MYO15B: variants seen among roughly 807,000 people sequenced by gnomAD.
MYO15B encodes the protein myosin XVB pseudogene.
MYO15B carries 207 observed loss-of-function variants against 119.3 expected under a neutral mutation model. That is an observed-to-expected ratio of 1.73 (90% CI 1.55 to 1.95). MYO15B has a LOEUF of 1.95. MYO15B is among the 30% of genes most tolerant of loss of function. The probability of loss-of-function intolerance (pLI) is 0.00; values close to 1 mark genes in which losing one functional copy is unlikely to be tolerated. For synonymous variants in MYO15B, 966 were observed against 498.9 expected (o/e 1.94, Z -12.48); for missense variants, 2,264 against 1,203.1 (o/e 1.88, Z -13.04).
chr17:75,626,328 G>A, intron 63 of MYO15B, 79 bp from the exon 64 acceptor site: 1 of 700,750 alleles, frequency 1.4e-6, no homozygotes, highest in South Asian at 1.5e-5. Flanking sequence ...GATGCCCACT[G>A]CTCCGGAGTG....
chr17:75,605,858 C>T lies in MYO15B; in HGVS notation c.4135-6C>T. On this transcript the variant is annotated splice_polypyrimidine_tract_variant and splice_region_variant and intron_variant, in intron 20 of 63. Coordinates refer to ENST00000645453, the Ensembl canonical transcript of MYO15B. ...TCCTGCCTACAGCCCACCCCTCTAC[C>T]CACAGGTCCTGCTGCAGGAGCAGGG... The T allele has an allele frequency of 1.5e-6, 1 of 689,432 alleles. No individual in the cohort carries two copies. The highest frequency in any genetic ancestry group is 2.7e-6 in the Non-Finnish European group (1 of 375,882). The allele number at this position is 689,432 out of a possible 1,614,324, so 42.7% of individuals were successfully genotyped here. A position where few individuals can be genotyped will look rare whatever the true frequency, so the allele number is the denominator to read the frequency against.
chr17:75,596,619 TTGG>T (rs1296025511), intron 13 of MYO15B, 64 bp downstream of exon 13: 5 of 696,068 alleles, frequency 7.2e-6, no homozygotes, highest in Non-Finnish European at 1.3e-5. Context: ...GAGGCCATCC[TTGG>T]TGAAGGAAAG....
Position 75,613,222 on chromosome 17 carries a change from G to A in MYO15B, c.4967+13G>A. Reference sequence around the variant, plus strand: ...AGCCACTGCTCAAGTAAGGGGCCTGGGAGGTGGGGACCTGGCAGGTGGGGT... The same window carrying A: ...AGCCACTGCTCAAGTAAGGGGCCTGAGAGGTGGGGACCTGGCAGGTGGGGT... On this transcript the variant is annotated intron_variant, in intron 27 of 63. Transcript: ENST00000645453. 1.5e-6 allele frequency: 1 copy of A among 684,622 alleles called. No homozygotes were observed. The highest frequency in any genetic ancestry group is 1.5e-5 in the South Asian group (1 of 66,918). The allele number at this position is 684,622 out of a possible 1,614,324, so 42.4% of individuals were successfully genotyped here. A position where few individuals can be genotyped will look rare whatever the true frequency, so the allele number is the denominator to read the frequency against.
rs1000834929 is a variant in MYO15B at position 75,589,668 on chromosome 17, G to A, written c.1611G>A (p.Glu537=). 1 of 398,938 alleles carries A rather than the reference G, an allele frequency of 2.5e-6. No individual in the cohort carries two copies. 24.7% of individuals were successfully genotyped at this position (398,938 alleles called of 1,614,324 possible). A position where few individuals can be genotyped will look rare whatever the true frequency, so the allele number is the denominator to read the frequency against. The change falls in exon 1 of 64, where the codon GAG becomes GAA. Residue 537 remains glutamate (E), a synonymous_variant. Coordinates refer to ENST00000645453, the Ensembl canonical transcript of MYO15B. The surrounding 1 kb of genome is among the most constrained non-coding windows in gnomAD (Gnocchi z 4.2). The stretch of plus-strand genomic sequence containing the variant: ...GCGACCCTTTTGATCAGGAGGACGA[G>A]ACTCCAGATCCCAAGTTCGCGGTCG...
chr17:75,590,343 C>G (rs1395990087), intron 1 of MYO15B, 100 bp downstream of exon 1: 1 of 398,598 alleles, frequency 2.5e-6, no homozygotes, highest in Non-Finnish European at 4.4e-6. Flanking sequence ...CTTATTGAAT[C>G]CTTAGAAGGA....
At chr17:75,595,362 G>A (rs1216894703) in intron 12 of MYO15B, among the ~76,000 whole-genome samples, 1 of 152,122 alleles carries the variant, frequency 6.6e-6, no homozygotes, top group African/African-American at 2.4e-5. Context: ...GGCTTCTCTG[G>A]GATGGCTGGA....
chr17:75,613,261 TG>T, intron 27 of MYO15B, 31 bp from the exon 28 acceptor site: 1 of 671,150 alleles, frequency 1.5e-6, no homozygotes, highest in Non-Finnish European at 2.7e-6. Context: ...TGGATCACCC[TG>T]CCTCCACTGC....
At chr17:75,615,852 C>G in exon 36 of MYO15B, 2 of 699,360 alleles carry the variant, frequency 2.9e-6, no homozygotes, top group Non-Finnish European at 5.2e-6. Context: ...GAAGCCACAG[C>G]GTGACCTGGG....
intron 50 of MYO15B, 26 bp downstream of exon 50, chr17:75,621,202 G>A (rs1357140786): frequency 8.9e-6 from 6 of 674,886 alleles, no homozygotes; most frequent in Middle Eastern, 2.4e-4. Context: ...CAACCCCTGT[G>A]CCTGTCTGTC....
At chr17:75,590,298 A>G (rs1485950856) in intron 1 of MYO15B, 55 bp downstream of exon 1, 1 of 398,934 alleles carries the variant, frequency 2.5e-6, no homozygotes, top group Non-Finnish European at 4.4e-6. Flanking sequence ...CCTCATATCC[A>G]CCCTGCCCTC....
exon 39 of MYO15B, chr17:75,616,600 G>A (rs1404305286): frequency 2.8e-6 from 2 of 703,034 alleles, no homozygotes; most frequent in Admixed American, 2.0e-5. Context: ...AAGAGGCTGA[G>A]GCTGAGCCAG....
rs191589013 is a variant in MYO15B at position 75,601,124 on chromosome 17, C to T, written c.3526-314C>T. On this transcript the variant is annotated intron_variant, in intron 14 of 63. Coordinates refer to ENST00000645453, the Ensembl canonical transcript of MYO15B. The stretch of plus-strand genomic sequence containing the variant: ...TTCACTATGTTGGCCAGGCTGGTCT[C>T]GAACTCCTGACCTTGTGATCTGCCT... 2.7e-5 allele frequency among the ~76,000 whole-genome samples: 4 copies of T among 150,762 alleles called. No homozygotes were observed. In the East Asian group the frequency reaches 7.9e-4, roughly 30 times the overall value.
intron 1 of MYO15B, 36 bp downstream of exon 1, chr17:75,590,279 C>G (rs750349372): frequency 1.0e-5 from 4 of 398,938 alleles, no homozygotes; most frequent in Admixed American, 8.8e-5. Flanking sequence ...CCATCCCCGG[C>G]TCACAGCTCC....
intron 23 of MYO15B, 37 bp from the exon 24 acceptor site, chr17:75,611,564 T>C (rs1234849364): frequency 1.4e-6 from 1 of 701,280 alleles, no homozygotes; most frequent in African/African-American, 1.8e-5. Flanking sequence ...CCTAGGCCCC[T>C]CCTGTGGATC....
At chr17:75,603,380 T>C in intron 19 of MYO15B, 68 bp downstream of exon 19, 1 of 684,198 alleles carries the variant, frequency 1.5e-6, no homozygotes, top group South Asian at 1.6e-5. Flanking sequence ...GCCCCGGGGG[T>C]CCTTCTGATT....
exon 39 of MYO15B, chr17:75,616,703 C>A: frequency 1.4e-6 from 1 of 703,022 alleles, no homozygotes; most frequent in South Asian, 1.5e-5. Flanking sequence ...CAAGCGGCCA[C>A]AACCCAGCAG....
At chr17:75,594,402 C>T in intron 9 of MYO15B, 73 bp from the exon 10 acceptor site, 3 of 568,020 alleles carry the variant, frequency 5.3e-6, no homozygotes, top group Non-Finnish European at 9.4e-6. Context: ...CCAGGCAAAG[C>T]CCGGCCTGCC....
chr17:75,602,556 C>A (rs770717723), exon 16 of MYO15B: 1 of 695,416 alleles, frequency 1.4e-6, no homozygotes, highest in East Asian at 2.7e-5. Flanking sequence ...TCAGCTGGAC[C>A]CTGCTGTGGT....
chr17:75,606,865 T>C (rs1366569588), intron 21 of MYO15B: 2 of 397,720 alleles, frequency 5.0e-6, no homozygotes, highest in East Asian at 3.6e-5. Flanking sequence ...GCAGTGACTT[T>C]AGACTTCTCT....
Sources: gnomAD v4.1 joint callset for allele counts (sites outside exome capture counted in the v4.1 genomes callset) on GRCh38, gnomAD v4.1.1 for gene constraint, Gnocchi (gnomAD v3.1) non-coding constraint, MANE v1.5 for transcripts, NCBI Gene and HGNC (gene_info 2026-07-23, HGNC 2026-07-21) for gene names.